The following NLRP11 variants were observed in gnomAD, a reference collection of about 807,000 sequenced individuals.
NLRP11 encodes the protein NLR family pyrin domain containing 11, also known as NACHT, LRR and PYD domains-containing protein 11.
A neutral mutation model predicts 79.3 loss-of-function variants in NLRP11; 53 were observed. The ratio of observed to expected loss-of-function variants is 0.67; its 90% CI spans 0.54 to 0.84. The LOEUF (loss-of-function observed/expected upper bound fraction) is 0.84, where lower values mean the gene tolerates loss of function less well. Ranked by LOEUF, NLRP11 falls within the 40% of genes least tolerant of loss-of-function variation. NLRP11 has a pLI of 0.00. For synonymous variants in NLRP11, 518 were observed against 462.6 expected, an observed-to-expected ratio of 1.12 and a Z score of -1.54; for missense variants, 1,264 against 1,255.0, an observed-to-expected ratio of 1.01 and a Z score of -0.11.
At chr19:55,786,368 A>G (rs1384975583) in intron 9 of NLRP11, among the ~76,000 whole-genome samples, 4 of 152,134 alleles carry the variant, frequency 2.6e-5, no homozygotes, top group Non-Finnish European at 5.9e-5. Context: ...TACCAAAGAT[A>G]CAAAAACTTA....
chr19:55,798,018 TG>T (rs1979109960), intron 5 of NLRP11, among the ~76,000 whole-genome samples: 1 of 147,190 alleles, frequency 6.8e-6, no homozygotes, highest in Non-Finnish European at 1.5e-5. Context: ...TTTTTTGAGA[TG>T]GAGTTTTGCC....
chr19:55,822,571 C>T lies in NLRP11; in HGVS notation c.-62-4335G>A, dbSNP rs528408627. 1.0e-3 allele frequency among the ~76,000 whole-genome samples: 156 copies of T among 152,054 alleles called. 1 individual carries two copies. The East Asian group carries it at 0.019, about 19-fold the overall frequency. Reference sequence around the variant, plus strand: ...GTGGATGCGCGCACCGTGCGCGAGCCGAAGCAGGGCGAGGCATTGCCTCAC... The same window carrying T: ...GTGGATGCGCGCACCGTGCGCGAGCTGAAGCAGGGCGAGGCATTGCCTCAC... On this transcript the variant is annotated intron_variant, in intron 1 of 9. Transcript: ENST00000589093.
intron 4 of NLRP11, among the ~76,000 whole-genome samples, chr19:55,804,114 G>T (rs1979748756): frequency 6.6e-6 from 1 of 152,266 alleles, no homozygotes; most frequent in South Asian, 2.1e-4. Context: ...ATATATGTGT[G>T]TGTGTGTATA....
chr19:55,821,988 G>A (rs561085795), intron 1 of NLRP11, among the ~76,000 whole-genome samples: 1 of 152,234 alleles, frequency 6.6e-6, no homozygotes, highest in Non-Finnish European at 1.5e-5. Flanking sequence ...GCTGGGCACA[G>A]TGGCTCACGC....
chr19:55,834,745 C>T (rs1048380180), upstream of NLRP11, among the ~76,000 whole-genome samples: 4 of 152,092 alleles, frequency 2.6e-5, no homozygotes, highest in African/African-American at 2.4e-5. Context: ...AAATGGTGAC[C>T]TAGTCATACA....
intron 2 of NLRP11, among the ~76,000 whole-genome samples, chr19:55,812,723 C>A (rs1036359488): frequency 1.3e-5 from 2 of 152,070 alleles, no homozygotes; most frequent in East Asian, 3.9e-4. Flanking sequence ...ACCCTAGGAC[C>A]CTGAAGCTCT....
chr19:55,797,981 G>A (rs1264403565), intron 5 of NLRP11, among the ~76,000 whole-genome samples: 1 of 150,976 alleles, frequency 6.6e-6, no homozygotes, highest in African/African-American at 2.4e-5. Flanking sequence ...GTGAAATGGT[G>A]TATTCTATAT....
chr19:55,817,121 A>G (rs1981193265), intron 2 of NLRP11, among the ~76,000 whole-genome samples: 1 of 152,184 alleles, frequency 6.6e-6, no homozygotes. Flanking sequence ...TGCAAATCAA[A>G]ACCACAATGC....
intron 7 of NLRP11, among the ~76,000 whole-genome samples, chr19:55,790,204 T>G (rs1990152119): frequency 6.6e-6 from 1 of 152,168 alleles, no homozygotes. Context: ...CCCTTAGGAT[T>G]GAATTAAAAA....
intron 5 of NLRP11, chr19:55,801,252 G>T (rs1600182864): frequency 4.7e-6 from 1 of 212,958 alleles, no homozygotes; most frequent in Non-Finnish European, 9.3e-6. Flanking sequence ...ATTTCAGTTT[G>T]TGGCTTGAAT....
At chr19:55,813,961 A>G (rs67678454) in intron 2 of NLRP11, among the ~76,000 whole-genome samples, 28,066 of 152,082 alleles carry the variant, frequency 0.18, 3,405 homozygotes, top group East Asian at 0.37. Flanking sequence ...AACATGGCCT[A>G]GGAGGCATGT....
At chr19:55,811,026 G>A (rs1244399412) in intron 2 of NLRP11, among the ~76,000 whole-genome samples, 1 of 151,960 alleles carries the variant, frequency 6.6e-6, no homozygotes, top group Non-Finnish European at 1.5e-5. Context: ...TCGAGTTCAG[G>A]GACTGTTTCC....
At chr19:55,788,584 G>GA (rs1260499246) in intron 9 of NLRP11, among the ~76,000 whole-genome samples, 1 of 150,696 alleles carries the variant, frequency 6.6e-6, no homozygotes, top group Non-Finnish European at 1.5e-5. Context: ...ACTAAAAATA[G>GA]AAAAAATTAG....
upstream of NLRP11, among the ~76,000 whole-genome samples, chr19:55,832,492 CG>C (rs1313414802): frequency 6.6e-6 from 1 of 152,162 alleles, no homozygotes; most frequent in Non-Finnish European, 1.5e-5. Context: ...ATCCTCCACC[CG>C]GGGGGCCCGT....
intron 4 of NLRP11, among the ~76,000 whole-genome samples, chr19:55,806,299 CT>C (rs1394974693): frequency 1.3e-5 from 2 of 152,352 alleles, no homozygotes; most frequent in East Asian, 3.9e-4. Context: ...TTACACACTG[CT>C]CTCTGGACAC....
At chr19:55,833,086 A>T (rs1982936505), upstream of NLRP11, among the ~76,000 whole-genome samples, 1 of 152,258 alleles carries the variant, frequency 6.6e-6, no homozygotes, top group Non-Finnish European at 1.5e-5. Flanking sequence ...TGGAATTTAA[A>T]ATTTTAAAGG....
At chr19:55,824,264 C>T (rs1042700414) in intron 1 of NLRP11, among the ~76,000 whole-genome samples, 12 of 147,732 alleles carry the variant, frequency 8.1e-5, no homozygotes, top group South Asian at 4.4e-4. Flanking sequence ...CTGAAGGAAG[C>T]GCTAAACATG....
chr19:55,824,161 C>A (rs1455896735), intron 1 of NLRP11, among the ~76,000 whole-genome samples: 4 of 135,506 alleles, frequency 3.0e-5, no homozygotes, highest in African/African-American at 9.2e-5. Flanking sequence ...TCCACCCAAA[C>A]TAAGCTTCAT....
At chr19:55,835,397 T>A (rs1184753923), upstream of NLRP11, among the ~76,000 whole-genome samples, 2 of 152,264 alleles carry the variant, frequency 1.3e-5, no homozygotes, top group African/African-American at 2.4e-5. Flanking sequence ...CAGTAGCCGA[T>A]ATCCATTAAG....
Sources: gnomAD v4.1 joint callset for allele counts (sites outside exome capture counted in the v4.1 genomes callset) on GRCh38, gnomAD v4.1.1 for gene constraint, MANE v1.5 for transcripts, NCBI Gene and HGNC (gene_info 2026-07-23, HGNC 2026-07-21) for gene names.